The following FHOD3 variants were observed in gnomAD, a reference collection of about 807,000 sequenced individuals.
FHOD3 encodes the protein formin homology 2 domain containing 3, also known as FH1/FH2 domain-containing protein 3.
A neutral mutation model predicts 173.0 loss-of-function variants in FHOD3; 90 were observed. The observed-to-expected ratio is 0.52, with a 90% confidence interval of 0.44 to 0.62. The LOEUF is 0.62. FHOD3 is among the 20% of genes least tolerant of loss of function. The pLI, the probability that FHOD3 is intolerant of heterozygous loss-of-function variation, is 0.00. For synonymous variants in FHOD3, 828 were observed against 823.0 expected (o/e 1.01, Z -0.10); for missense variants, 1,945 against 2,034.7 (o/e 0.96, Z 0.85).
At position 36,718,613 on chromosome 18, in the gene FHOD3, C is replaced by T; in HGVS notation, c.3315C>T (p.Arg1105=). 1 of 1,614,140 alleles carries T rather than the reference C, an allele frequency of 6.2e-7. No homozygotes were observed. Among genetic ancestry groups the T allele is most frequent in the Non-Finnish European group, 8.5e-7 (1 of 1,180,040 alleles). The stretch of plus-strand genomic sequence containing the variant: ...ACTGGCCATGTAAAAACAACCGACG[C>T]TGCAGAGAATTCCTGTGGTCAAAAC... ...PFDWPCKNNR[R]CREFLWSKLE... is the part of the protein sequence containing the mutation. Residue 1105 remains arginine (R), a synonymous_variant, in exon 19 of 29, where the codon CGC becomes CGT. Coordinates refer to ENST00000590592, the MANE Select transcript of FHOD3 (RefSeq NM_001281740.3).
chr18:36,590,242 A>G (rs2059168893), intron 6 of FHOD3, among the ~76,000 whole-genome samples: 1 of 152,178 alleles, frequency 6.6e-6, no homozygotes, highest in African/African-American at 2.4e-5. Context: ...TTTAAGAGCT[A>G]TGGGATGAGC....
chr18:36,624,348 C>A (rs1048488218), intron 9 of FHOD3, among the ~76,000 whole-genome samples: 2 of 152,204 alleles, frequency 1.3e-5, no homozygotes, highest in Admixed American at 6.5e-5. Context: ...TGACAGGGCA[C>A]ACCTGGTTCA....
intron 5 of FHOD3, among the ~76,000 whole-genome samples, chr18:36,573,408 C>T (rs532450922): frequency 3.4e-5 from 5 of 148,762 alleles, no homozygotes; most frequent in African/African-American, 1.2e-4. Flanking sequence ...AGTTTGAAAC[C>T]AGCCTGGATA....
intron 3 of FHOD3, among the ~76,000 whole-genome samples, chr18:36,475,783 C>T (rs1018144507): frequency 1.3e-5 from 2 of 151,218 alleles, no homozygotes; most frequent in East Asian, 1.9e-4. Flanking sequence ...CACACACACA[C>T]ACACACACAC....
chr18:36,445,766 GC>G (rs777584348), intron 3 of FHOD3, among the ~76,000 whole-genome samples: 12 of 152,186 alleles, frequency 7.9e-5, no homozygotes, highest in Non-Finnish European at 1.3e-4. Context: ...ATTCGAGGTT[GC>G]CCCATTGGTG....
chr18:36,757,520 G>A (rs75841374), intron 25 of FHOD3, among the ~76,000 whole-genome samples: 3,584 of 152,282 alleles, frequency 0.024, 123 homozygotes, highest in African/African-American at 0.081. Context: ...AAGCCAGACA[G>A]TAGACTTAGA....
At chr18:36,716,920 G>A (rs1420418180) in intron 18 of FHOD3, among the ~76,000 whole-genome samples, 1 of 143,138 alleles carries the variant, frequency 7.0e-6, no homozygotes. Flanking sequence ...GTGTATGTGT[G>A]TGTGTGTGTG....
At chr18:36,556,566 A>T (rs2057895104) in intron 5 of FHOD3, among the ~76,000 whole-genome samples, 1 of 152,218 alleles carries the variant, frequency 6.6e-6, no homozygotes, top group African/African-American at 2.4e-5. Flanking sequence ...CTTTGTGTAT[A>T]GTATAAGAAA....
intron 17 of FHOD3, among the ~76,000 whole-genome samples, chr18:36,702,951 G>T (rs993247971): frequency 6.6e-6 from 1 of 152,172 alleles, no homozygotes; most frequent in Admixed American, 6.5e-5. Context: ...GCCAATCCAG[G>T]TTCAAATGCA....
At chr18:36,568,057 C>G (rs1306392701) in intron 5 of FHOD3, among the ~76,000 whole-genome samples, 1 of 151,162 alleles carries the variant, frequency 6.6e-6, no homozygotes, top group Non-Finnish European at 1.5e-5. Context: ...GGTGTGGTGG[C>G]TCAAGCCTGT....
At position 36,681,539 on chromosome 18, in the gene FHOD3, A is replaced by T; in HGVS notation, c.1939A>T (p.Arg647Ter). 1.2e-6 allele frequency: 2 copies of T among 1,613,952 alleles called. No homozygotes were observed. Among genetic ancestry groups the T allele is most frequent in the Non-Finnish European group, 1.7e-6 (2 of 1,179,892 alleles). The change falls in exon 15 of 29, where the codon AGA (arginine) becomes TGA (stop). Residue 647 changes from arginine (R) to a stop codon, truncating the protein, a stop_gained. Transcript: ENST00000590592. LOFTEE classifies it high-confidence loss of function. ...GCAGGAGAGAGAAGAAAGGTTGCAG[A>T]GAATAGAGCGGGAAGAAAGAAACAA... Reference protein sequence around the residue: ...RRQEREERLQRIEREERNKFS... With the variant: ...RRQEREERLQ
intron 5 of FHOD3, among the ~76,000 whole-genome samples, chr18:36,544,237 G>A (rs763767228): frequency 3.3e-5 from 5 of 152,184 alleles, no homozygotes; most frequent in Admixed American, 2.0e-4. Context: ...AGTTAGTGCC[G>A]GGAGCTGGTG....
chr18:36,640,313 A>G (rs1343157337), intron 10 of FHOD3, among the ~76,000 whole-genome samples: 1 of 152,228 alleles, frequency 6.6e-6, no homozygotes, highest in Non-Finnish European at 1.5e-5. Context: ...TTGATGGCTA[A>G]CAAAACTCTA....
At chr18:36,435,101 CT>C (rs36034498) in intron 3 of FHOD3, among the ~76,000 whole-genome samples, 56 of 138,132 alleles carry the variant, frequency 4.1e-4, no homozygotes, top group East Asian at 8.5e-4. Flanking sequence ...TTTCACTGGA[CT>C]TTTTTTTTTT....
intron 5 of FHOD3, among the ~76,000 whole-genome samples, chr18:36,569,892 A>T (rs2058395082): frequency 6.6e-6 from 1 of 152,114 alleles, no homozygotes; most frequent in South Asian, 2.1e-4. Flanking sequence ...ACAACACATC[A>T]GATTTGTGGG....
chr18:36,322,308 C>T (rs1167387614), intron 1 of FHOD3, among the ~76,000 whole-genome samples: 1 of 152,110 alleles, frequency 6.6e-6, no homozygotes, highest in Non-Finnish European at 1.5e-5. Context: ...TGCACTGAGC[C>T]AGGAGAACAG....
At chr18:36,464,692 G>T (rs545087188) in intron 3 of FHOD3, among the ~76,000 whole-genome samples, 1 of 152,300 alleles carries the variant, frequency 6.6e-6, no homozygotes, top group South Asian at 2.1e-4. Flanking sequence ...CAGAGAGGGA[G>T]ACCAGGCTGG....
chr18:36,554,080 A>G (rs917924515), intron 5 of FHOD3, among the ~76,000 whole-genome samples: 2 of 152,270 alleles, frequency 1.3e-5, no homozygotes, highest in East Asian at 1.9e-4. Context: ...TCAGTGTGGC[A>G]ATTCCTCAAG....
In FHOD3 at chr18:36,564,713, C is replaced by T. The variant is rs560619782; in HGVS notation, c.512-11738C>T. On this transcript the variant is annotated intron_variant, in intron 5 of 28. Coordinates refer to ENST00000590592, the MANE Select transcript of FHOD3 (RefSeq NM_001281740.3). ...GTGTCAGTGTTTCTGTTTGGAAGGC[C>T]TGGGGAGGAGGGAGGGGAGACGGGC... Among the ~76,000 whole-genome samples the T allele has an allele frequency of 1.0e-3, 153 of 152,194 alleles. 1 individual carries two copies. Among genetic ancestry groups the T allele is most frequent in the South Asian group, 7.5e-3 (36 of 4,814 alleles).
Sources: gnomAD v4.1 joint callset for allele counts (sites outside exome capture counted in the v4.1 genomes callset) on GRCh38, gnomAD v4.1.1 for gene constraint, MANE v1.5 for transcripts, NCBI Gene and HGNC (gene_info 2026-07-23, HGNC 2026-07-21) for gene names.